Variants in TBC1D5 observed in about 807,000 individuals in gnomAD.
TBC1D5 encodes the protein TBC1 domain family member 5, also known as TBC1 domain family, member 5.
Under a neutral mutation model 100.3 loss-of-function variants are expected in TBC1D5, and 75 were observed. The ratio of observed to expected loss-of-function variants is 0.75; its 90% CI spans 0.62 to 0.91. TBC1D5 has a LOEUF of 0.91. Ranked by LOEUF, TBC1D5 falls within the 40% of genes least tolerant of loss-of-function variation. The pLI is 0.00. For missense variants in TBC1D5, 910 were observed against 942.4 expected, an observed-to-expected ratio of 0.97 and a Z score of 0.45; for synonymous variants, 323 against 325.6, an observed-to-expected ratio of 0.99 and a Z score of 0.09.
intron 3 of TBC1D5, among the ~76,000 whole-genome samples, chr3:17,501,251 T>C (rs2095784722): frequency 5.4e-5 from 8 of 149,262 alleles, no homozygotes; most frequent in Admixed American, 5.3e-4. Flanking sequence ...TCATTATAGA[T>C]CCAAATTATT....
intron 14 of TBC1D5, 34 bp downstream of exon 14, chr3:17,307,958 C>A: frequency 6.3e-7 from 1 of 1,580,704 alleles, no homozygotes; most frequent in East Asian, 2.3e-5. Flanking sequence ...TCAGGAGTAC[C>A]TAGTCAAATG....
At chr3:17,687,634 A>G (rs1400029852) in intron 1 of TBC1D5, among the ~76,000 whole-genome samples, 2 of 152,200 alleles carry the variant, frequency 1.3e-5, no homozygotes, top group East Asian at 1.9e-4. Context: ...TCTACCGTAC[A>G]GTTTCTATTC....
intron 14 of TBC1D5, among the ~76,000 whole-genome samples, chr3:17,304,190 C>A (rs1279769049): frequency 1.3e-5 from 2 of 152,086 alleles, no homozygotes; most frequent in African/African-American, 4.8e-5. Flanking sequence ...TTTCTATTGC[C>A]TCTGGGCCCT....
intron 1 of TBC1D5, among the ~76,000 whole-genome samples, chr3:17,688,676 T>A (rs2070676213): frequency 6.6e-6 from 1 of 152,200 alleles, no homozygotes; most frequent in African/African-American, 2.4e-5. Context: ...CATTCACATA[T>A]CACGTTTGTC....
chr3:17,236,497 T>C (rs2075864250), intron 17 of TBC1D5, among the ~76,000 whole-genome samples: 1 of 152,094 alleles, frequency 6.6e-6, no homozygotes, highest in African/African-American at 2.4e-5. Context: ...AGATTTTTTT[T>C]TTTTTTTGAG....
intron 10 of TBC1D5, among the ~76,000 whole-genome samples, chr3:17,375,664 T>C (rs1426287613): frequency 2.0e-5 from 3 of 152,154 alleles, no homozygotes; most frequent in Middle Eastern, 3.4e-3. Context: ...GTTATACTAT[T>C]GTCAAGATTA....
intron 13 of TBC1D5, among the ~76,000 whole-genome samples, chr3:17,339,430 G>A (rs1464300868): frequency 6.6e-6 from 1 of 152,134 alleles, no homozygotes; most frequent in African/African-American, 2.4e-5. Context: ...GTGGCATCCG[G>A]TCTGACTGGG....
chr3:17,639,078 G>T (rs1457391699), intron 1 of TBC1D5, among the ~76,000 whole-genome samples: 1 of 152,100 alleles, frequency 6.6e-6, no homozygotes, highest in Non-Finnish European at 1.5e-5. Context: ...ATTCTTAGCA[G>T]ATTTATTAAT....
intron 2 of TBC1D5, among the ~76,000 whole-genome samples, chr3:17,619,753 T>C (rs138604353): frequency 5.9e-5 from 9 of 152,198 alleles, no homozygotes; most frequent in Admixed American, 3.3e-4. Context: ...AGGACAAAAA[T>C]ACATGAGAAG....
intron 16 of TBC1D5, among the ~76,000 whole-genome samples, chr3:17,251,431 C>CG (rs1157642236): frequency 1.4e-5 from 2 of 139,320 alleles, no homozygotes; most frequent in East Asian, 2.3e-4. Flanking sequence ...GGGAACCCCC[C>CG]CCCCCCCAGT....
intron 1 of TBC1D5, among the ~76,000 whole-genome samples, chr3:17,638,153 T>C (rs1387893154): frequency 6.6e-6 from 1 of 152,156 alleles, no homozygotes; most frequent in African/African-American, 2.4e-5. Flanking sequence ...TTTTAACAGC[T>C]ATACTGAAAC....
At chr3:17,225,938 T>C (rs772288352) in intron 17 of TBC1D5, among the ~76,000 whole-genome samples, 5 of 152,184 alleles carry the variant, frequency 3.3e-5, no homozygotes, top group Non-Finnish European at 5.9e-5. Context: ...AAAATGTGCA[T>C]AGGTTATATG....
At chr3:17,363,831 C>A (rs979102012) in intron 13 of TBC1D5, among the ~76,000 whole-genome samples, 2 of 151,526 alleles carry the variant, frequency 1.3e-5, no homozygotes, top group South Asian at 2.1e-4. Flanking sequence ...GATTTCTTAC[C>A]AAATTTAGGA....
intron 9 of TBC1D5, among the ~76,000 whole-genome samples, chr3:17,381,797 G>C (rs569797797): frequency 1.3e-5 from 2 of 149,752 alleles, no homozygotes; most frequent in South Asian, 2.1e-4. Context: ...AAATCTTCTA[G>C]TATTTTTATA....
intron 2 of TBC1D5, among the ~76,000 whole-genome samples, chr3:17,532,019 A>C (rs2096233483): frequency 6.6e-6 from 1 of 152,232 alleles, no homozygotes; most frequent in Admixed American, 6.5e-5. Context: ...TCTGAACAGC[A>C]AAAGAAACTA....
At chr3:17,618,269 A>C (rs927530951) in intron 2 of TBC1D5, among the ~76,000 whole-genome samples, 1 of 152,174 alleles carries the variant, frequency 6.6e-6, no homozygotes, top group Non-Finnish European at 1.5e-5. Flanking sequence ...CTTCCTCTGG[A>C]AGCTTCATCC....
chr3:17,306,653 G>A (rs1400441415), intron 14 of TBC1D5, among the ~76,000 whole-genome samples: 2 of 152,094 alleles, frequency 1.3e-5, no homozygotes, highest in Non-Finnish European at 2.9e-5. Flanking sequence ...TCAAAAAAGA[G>A]CAAATTGTAA....
chr3:17,358,751 T>A (rs1212631772), intron 13 of TBC1D5, among the ~76,000 whole-genome samples: 1 of 152,192 alleles, frequency 6.6e-6, no homozygotes, highest in African/African-American at 2.4e-5. Flanking sequence ...TGTAGTACAA[T>A]CTTTAATTTT....
At chr3:17,238,869 A>T (rs1269549314) in intron 16 of TBC1D5, among the ~76,000 whole-genome samples, 1 of 152,224 alleles carries the variant, frequency 6.6e-6, no homozygotes, top group Non-Finnish European at 1.5e-5. Flanking sequence ...AGCTAAGAAT[A>T]GATTTCTTAC....
Sources: gnomAD v4.1 joint callset for allele counts (sites outside exome capture counted in the v4.1 genomes callset) on GRCh38, gnomAD v4.1.1 for gene constraint, MANE v1.5 for transcripts, NCBI Gene and HGNC (gene_info 2026-07-23, HGNC 2026-07-21) for gene names.